The following KHDRBS3 variants were observed in gnomAD, a reference collection of about 807,000 sequenced individuals.
KHDRBS3 encodes the protein KH RNA binding domain containing, signal transduction associated 3.
In KHDRBS3, 23 loss-of-function variants were observed where a neutral mutation model predicts 45.6. The observed-to-expected ratio is 0.50, with a 90% CI of 0.36 to 0.72. The LOEUF (loss-of-function observed/expected upper bound fraction) is 0.72. Ranked by LOEUF, KHDRBS3 falls within the 30% of genes least tolerant of loss-of-function variation. The pLI, the probability that KHDRBS3 is intolerant of heterozygous loss-of-function variation, is 0.00. For synonymous variants in KHDRBS3, 162 were observed against 156.5 expected, an observed-to-expected ratio of 1.04 and a Z score of -0.26; for missense variants, 352 against 424.8, an observed-to-expected ratio of 0.83 and a Z score of 1.51.
At chr8:135,633,383 C>G (rs1289778028) in intron 7 of KHDRBS3, among the ~76,000 whole-genome samples, 1 of 152,178 alleles carries the variant, frequency 6.6e-6, no homozygotes, top group East Asian at 1.9e-4. Flanking sequence ...TAATTAACAA[C>G]AAGGCTTCAC....
At position 135,542,851 on chromosome 8, in the gene KHDRBS3, T is replaced by A. The variant is rs1826110901; in HGVS notation, c.324+81T>A. 10 of 936,598 alleles carry A rather than the reference T, an allele frequency of 1.1e-5. No homozygotes were observed. The East Asian group carries it at 2.4e-4, about 23-fold the overall frequency. 58.0% of individuals were successfully genotyped at this position (936,598 alleles called of 1,614,324 possible). On this transcript the variant is annotated intron_variant, in intron 3 of 8. Coordinates refer to ENST00000355849, the MANE Select transcript of KHDRBS3 (RefSeq NM_006558.3). ...TTATATTATCCACTGTATTCATACA[T>A]AGTTACATAAGGGGATGTATTTGTG... is the stretch of plus-strand genomic sequence containing the variant.
chr8:135,478,366 T>C (rs938118796), intron 1 of KHDRBS3, among the ~76,000 whole-genome samples: 3 of 152,236 alleles, frequency 2.0e-5, no homozygotes, highest in Admixed American at 1.3e-4. Context: ...TATGAACTTT[T>C]TAATAATAAT....
chr8:135,501,927 C>G (rs532744358), intron 1 of KHDRBS3, among the ~76,000 whole-genome samples: 1 of 152,286 alleles, frequency 6.6e-6, no homozygotes, highest in East Asian at 1.9e-4. Context: ...ACATCTTGCA[C>G]TTTTTGCACG....
intron 7 of KHDRBS3, among the ~76,000 whole-genome samples, chr8:135,608,484 CT>C (rs1339032492): frequency 9.2e-5 from 14 of 152,248 alleles, no homozygotes; most frequent in African/African-American, 3.1e-4. Context: ...TACTATAAAG[CT>C]GATGGTATTG....
chr8:135,553,738 C>G (rs1401346064), intron 4 of KHDRBS3, among the ~76,000 whole-genome samples: 1 of 152,136 alleles, frequency 6.6e-6, no homozygotes, highest in Admixed American at 6.6e-5. Flanking sequence ...TTCAGGCTAA[C>G]ATACATTTGA....
At chr8:135,537,626 C>G (rs1476006917) in intron 2 of KHDRBS3, among the ~76,000 whole-genome samples, 1 of 152,066 alleles carries the variant, frequency 6.6e-6, no homozygotes, top group Non-Finnish European at 1.5e-5. Context: ...TTCAGCTAAT[C>G]TTTAATGGAG....
intron 6 of KHDRBS3, among the ~76,000 whole-genome samples, chr8:135,594,277 CT>C (rs1376145556): frequency 6.6e-6 from 1 of 152,154 alleles, no homozygotes; most frequent in Non-Finnish European, 1.5e-5. Flanking sequence ...TCGATATGTT[CT>C]TATAGTGTGG....
chr8:135,497,207 G>T (rs145646088), intron 1 of KHDRBS3, among the ~76,000 whole-genome samples: 4 of 152,190 alleles, frequency 2.6e-5, no homozygotes, highest in Non-Finnish European at 5.9e-5. Flanking sequence ...CATTGGTATC[G>T]TCCAGTTTGA....
chr8:135,573,653 A>T (rs536676757), intron 5 of KHDRBS3, among the ~76,000 whole-genome samples: 2 of 152,328 alleles, frequency 1.3e-5, no homozygotes, highest in East Asian at 1.9e-4. Flanking sequence ...CTTTTTCATT[A>T]CATCTTAAAA....
At chr8:135,498,659 A>G (rs78841337) in intron 1 of KHDRBS3, among the ~76,000 whole-genome samples, 2,092 of 152,352 alleles carry the variant, frequency 0.014, 107 homozygotes, top group East Asian at 0.083. Flanking sequence ...CAATAAATCA[A>G]TGAATGAAAA....
At chr8:135,537,984 T>C (rs1825859134) in intron 2 of KHDRBS3, among the ~76,000 whole-genome samples, 1 of 152,158 alleles carries the variant, frequency 6.6e-6, no homozygotes, top group Non-Finnish European at 1.5e-5. Context: ...AGAAAGGGAC[T>C]ATTGGCAATA....
At chr8:135,553,073 C>T (rs759006386) in intron 4 of KHDRBS3, among the ~76,000 whole-genome samples, 12 of 152,128 alleles carry the variant, frequency 7.9e-5, no homozygotes, top group Non-Finnish European at 1.5e-4. Context: ...TCCATCCAGC[C>T]AGAGGTGTGT....
chr8:135,536,966 C>CAAA (rs869256475), intron 2 of KHDRBS3, among the ~76,000 whole-genome samples: 426 of 11,586 alleles, frequency 0.037, 22 homozygotes, highest in African/African-American at 0.062. Context: ...AACTCCATCT[C>CAAA]AAAAAAAAAA....
intron 1 of KHDRBS3, among the ~76,000 whole-genome samples, chr8:135,487,039 C>A (rs1262429806): frequency 1.3e-5 from 2 of 152,070 alleles, no homozygotes; most frequent in Non-Finnish European, 2.9e-5. Flanking sequence ...TTCCTTTATT[C>A]TTTCCTTTAT....
chr8:135,562,376 AG>A (rs1163062664), intron 5 of KHDRBS3, among the ~76,000 whole-genome samples: 2 of 152,240 alleles, frequency 1.3e-5, no homozygotes, highest in Non-Finnish European at 2.9e-5. Context: ...TCTGTAGCCA[AG>A]GAACAGTAGG....
At chr8:135,640,261 GA>G (rs954034294) in intron 7 of KHDRBS3, among the ~76,000 whole-genome samples, 4 of 152,130 alleles carry the variant, frequency 2.6e-5, no homozygotes, top group African/African-American at 9.7e-5. Flanking sequence ...GGCCTAATGA[GA>G]TAGTTCCAGT....
chr8:135,471,541 G>T (rs1227916041), intron 1 of KHDRBS3, among the ~76,000 whole-genome samples: 2 of 152,184 alleles, frequency 1.3e-5, no homozygotes, highest in Non-Finnish European at 1.5e-5. Flanking sequence ...TTTATATTGT[G>T]GGGTGGAAGG....
intron 2 of KHDRBS3, among the ~76,000 whole-genome samples, chr8:135,525,981 T>G (rs1825163048): frequency 6.6e-6 from 1 of 152,178 alleles, no homozygotes. Context: ...ATACTGTATT[T>G]TTGCTGTATC....
At chr8:135,461,849 C>T (rs528626435) in intron 1 of KHDRBS3, among the ~76,000 whole-genome samples, 1 of 152,198 alleles carries the variant, frequency 6.6e-6, no homozygotes, top group African/African-American at 2.4e-5. Flanking sequence ...TAAGGTGGTC[C>T]AGATTTGTGT....
Sources: gnomAD v4.1 joint callset for allele counts (sites outside exome capture counted in the v4.1 genomes callset) on GRCh38, gnomAD v4.1.1 for gene constraint, MANE v1.5 for transcripts, NCBI Gene and HGNC (gene_info 2026-07-23, HGNC 2026-07-21) for gene names.